Variants in IGSF10 observed in about 807,000 individuals in gnomAD.
The protein encoded by IGSF10 is immunoglobulin superfamily member 10.
Under a neutral mutation model 128.2 loss-of-function variants are expected in IGSF10, and 126 were observed. That is an observed-to-expected ratio of 0.98 (90% CI 0.85 to 1.14). The LOEUF is 1.14. IGSF10 is among the 50% of genes most tolerant of loss of function. The pLI is 0.00. For synonymous variants in IGSF10, 1,185 were observed against 1,146.2 expected (o/e 1.03, Z -0.68); for missense variants, 3,295 against 3,149.8 (o/e 1.05, Z -1.10).
At chr3:151,605,013 C>G in the IGSF10 span, among the ~76,000 whole-genome samples, 1 of 152,180 alleles carries the variant, frequency 6.6e-6, no homozygotes, top group East Asian at 1.9e-4. Context: ...CCTAATTCAT[C>G]TAACACATGT....
the IGSF10 span, among the ~76,000 whole-genome samples, chr3:151,551,860 G>A: frequency 6.6e-6 from 1 of 151,942 alleles, no homozygotes; most frequent in African/African-American, 2.4e-5. Context: ...AACATTATAT[G>A]GAAAAAACTA....
chr3:151,481,297 C>T, the IGSF10 span, among the ~76,000 whole-genome samples: 2 of 152,170 alleles, frequency 1.3e-5, no homozygotes, highest in African/African-American at 4.8e-5. Flanking sequence ...TGCAGCACTC[C>T]ACCTCTGTAA....
the IGSF10 span, among the ~76,000 whole-genome samples, chr3:151,549,869 T>C: frequency 1.3e-5 from 2 of 152,202 alleles, no homozygotes; most frequent in East Asian, 3.8e-4. Flanking sequence ...CTTATAAGAG[T>C]ATTGTAATTT....
At chr3:151,616,629 C>A in the IGSF10 span, among the ~76,000 whole-genome samples, 8 of 152,094 alleles carry the variant, frequency 5.3e-5, no homozygotes, top group African/African-American at 1.4e-4. Flanking sequence ...AAACAAAAAC[C>A]TTTTCTACAT....
intron 7 of IGSF10, among the ~76,000 whole-genome samples, chr3:151,442,481 G>C (rs370901505): frequency 7.5e-5 from 11 of 146,000 alleles, no homozygotes; most frequent in East Asian, 2.0e-4. Context: ...CCAGGTTCAA[G>C]CAATTCTCCT....
the IGSF10 span, among the ~76,000 whole-genome samples, chr3:151,587,595 C>G: frequency 6.6e-6 from 1 of 151,896 alleles, no homozygotes; most frequent in African/African-American, 2.4e-5. Flanking sequence ...TTCTTGTTAA[C>G]ACTTGCCAAA....
At chr3:151,526,285 C>G in the IGSF10 span, among the ~76,000 whole-genome samples, 2 of 150,490 alleles carry the variant, frequency 1.3e-5, no homozygotes, top group Admixed American at 6.6e-5. Flanking sequence ...TTTGACCTTC[C>G]CTCCAGAGGC....
At chr3:151,534,734 C>A in the IGSF10 span, among the ~76,000 whole-genome samples, 1 of 151,658 alleles carries the variant, frequency 6.6e-6, no homozygotes, top group Non-Finnish European at 1.5e-5. Context: ...AGCAAGCCAC[C>A]ACGGCATGTG....
chr3:151,446,127 G>T lies in IGSF10; in HGVS notation c.3854C>A (p.Thr1285Lys). The change falls in exon 6 of 8, where the codon ACA (threonine) becomes AAA (lysine). Residue 1285 changes from threonine (T) to lysine (K), a missense_variant. By Grantham distance (78) the Thr-to-Lys change is moderately conservative. Transcript: ENST00000282466. The stretch of plus-strand genomic sequence containing the variant: ...GGGTGGGAAGGGAAGCTCCTTCTTT[G>T]TTGGAAGACTTCCAGGATTGTGTGT... Reference protein sequence around the residue: ...TKTHNPGSLPTKKELPFPPLN... With the variant: ...TKTHNPGSLPKKKELPFPPLN... The T allele has an allele frequency of 6.2e-7, 1 of 1,614,174 alleles. No individual in the cohort carries two copies. The highest frequency in any genetic ancestry group is 2.2e-5 in the East Asian group (1 of 44,882).
chr3:151,548,484 A>G, the IGSF10 span, among the ~76,000 whole-genome samples: 25,805 of 152,206 alleles, frequency 0.17, 2,320 homozygotes, highest in Middle Eastern at 0.21. Context: ...AGAGCATAAT[A>G]AAATTGTTGT....
At chr3:151,559,785 T>C in the IGSF10 span, among the ~76,000 whole-genome samples, 3 of 152,246 alleles carry the variant, frequency 2.0e-5, no homozygotes. Context: ...CTACTTCGAA[T>C]AGGTTCGATG....
At chr3:151,549,767 C>T in the IGSF10 span, among the ~76,000 whole-genome samples, 1 of 152,104 alleles carries the variant, frequency 6.6e-6, no homozygotes, top group African/African-American at 2.4e-5. Flanking sequence ...ACCTTCTTTA[C>T]TGTTAAATTA....
the IGSF10 span, among the ~76,000 whole-genome samples, chr3:151,491,212 T>C: frequency 5.2e-4 from 79 of 152,288 alleles, no homozygotes; most frequent in Non-Finnish European, 8.8e-4. Flanking sequence ...GGATTATAAA[T>C]GAACAACTAT....
the IGSF10 span, among the ~76,000 whole-genome samples, chr3:151,504,555 CA>C: frequency 9.4e-4 from 143 of 152,172 alleles, no homozygotes; most frequent in Non-Finnish European, 1.6e-3. Context: ...ATGAAAGTTC[CA>C]ATAGTTACAT....
the IGSF10 span, among the ~76,000 whole-genome samples, chr3:151,612,206 C>T: frequency 1.3e-5 from 2 of 152,126 alleles, no homozygotes; most frequent in East Asian, 3.8e-4. Context: ...CTTCTCCTTC[C>T]CAAACTTGCT....
chr3:151,457,007 C>G lies in IGSF10; in HGVS notation c.324+19G>C, dbSNP rs752877295. ...CCACCTTACCTCTTTAACCTGCCCC[C>G]TCTCTCCATCAGTCTCACCTGCAAG... On this transcript the variant is annotated intron_variant, in intron 4 of 7. Coordinates refer to ENST00000282466, the MANE Select transcript of IGSF10 (RefSeq NM_178822.5). The G allele has an allele frequency of 3.1e-6, 5 of 1,613,908 alleles. No homozygotes were observed. Among genetic ancestry groups the G allele is most frequent in the Non-Finnish European group, 3.4e-6 (4 of 1,179,964 alleles).
At chr3:151,543,641 G>A in the IGSF10 span, among the ~76,000 whole-genome samples, 19 of 152,276 alleles carry the variant, frequency 1.2e-4, no homozygotes, top group Non-Finnish European at 2.2e-4. Flanking sequence ...AAGCCCCTGT[G>A]CACAGTGTCA....
At chr3:151,579,802 G>C in the IGSF10 span, among the ~76,000 whole-genome samples, 1 of 143,942 alleles carries the variant, frequency 6.9e-6, no homozygotes, top group Non-Finnish European at 1.5e-5. Flanking sequence ...GCATTCAGAA[G>C]AATAAATATT....
In IGSF10 at chr3:151,446,498, AC is replaced by A; in HGVS notation, c.3482del (p.Ser1161IlefsTer16). Reference protein sequence around the residue: ...PMEKTHKVNASYPRVSSTNEA... With the variant: ...PMEKTHKVNAXYPRVSSTNEA... ...CATTGGTGCTAGACACACGTGGGTA[AC>A]TGGCGTTTACTTTGTGAGTTTTTTC... On this transcript the variant is annotated frameshift_variant, in exon 6 of 8. Coordinates refer to ENST00000282466, the MANE Select transcript of IGSF10 (RefSeq NM_178822.5). LOFTEE classifies it high-confidence loss of function. 6.2e-7 allele frequency: 1 copy of A among 1,614,146 alleles called. No homozygotes were observed. The highest frequency in any genetic ancestry group is 8.5e-7 in the Non-Finnish European group (1 of 1,180,014).
Sources: allele counts gnomAD v4.1 joint callset (sites outside exome capture counted in the v4.1 genomes callset), GRCh38; gene constraint gnomAD v4.1.1; transcripts MANE v1.5; gene names NCBI Gene and HGNC (gene_info 2026-07-23, HGNC 2026-07-21).